Variants in PID1 observed in about 807,000 individuals in gnomAD.
The protein encoded by PID1 is phosphotyrosine interaction domain containing 1.
Under a neutral mutation model 19.1 loss-of-function variants are expected in PID1, and 10 were observed. The ratio of observed to expected loss-of-function variants is 0.52; its 90% CI spans 0.32 to 0.89. The LOEUF (loss-of-function observed/expected upper bound fraction) is 0.89. Ranked by LOEUF, PID1 falls within the 40% of genes least tolerant of loss-of-function variation. The pLI is 0.03. For missense variants in PID1, 248 were observed against 285.3 expected, an observed-to-expected ratio of 0.87 and a Z score of 0.94; for synonymous variants, 130 against 116.0, an observed-to-expected ratio of 1.12 and a Z score of -0.78.
chr2:229,218,769 GGAA>G (rs1359531563), intron 1 of PID1, among the ~76,000 whole-genome samples: 1 of 152,136 alleles, frequency 6.6e-6, no homozygotes, highest in Non-Finnish European at 1.5e-5. Context: ...TGCAGAGTGG[GGAA>G]GAAGGAGCTA....
chr2:229,251,944 T>TAAAAAAAAAAAA (rs11284650), intron 1 of PID1, among the ~76,000 whole-genome samples: 5 of 71,444 alleles, frequency 7.0e-5, no homozygotes, highest in Admixed American at 1.4e-4. Flanking sequence ...AACCATAAGC[T>TAAAAAAAAAAAA]AAAAAAAAAA....
chr2:229,101,835 T>C (rs1695080401), intron 2 of PID1, among the ~76,000 whole-genome samples: 1 of 152,192 alleles, frequency 6.6e-6, no homozygotes, highest in African/African-American at 2.4e-5. Context: ...AAGATGTCCA[T>C]ATCCTATTCT....
chr2:229,152,289 G>T (rs930771572), intron 2 of PID1, among the ~76,000 whole-genome samples: 4 of 152,154 alleles, frequency 2.6e-5, no homozygotes, highest in African/African-American at 9.7e-5. Flanking sequence ...CTGGGAAGAA[G>T]GTCCAGGAGT....
At chr2:229,131,276 G>A (rs1689735213) in intron 2 of PID1, among the ~76,000 whole-genome samples, 1 of 149,702 alleles carries the variant, frequency 6.7e-6, no homozygotes, top group African/African-American at 2.5e-5. Context: ...TGTCTCCCAG[G>A]CTGGAGTGCA....
In PID1 at chr2:229,253,377, G is replaced by A. The variant is rs565191777; in HGVS notation, c.30+17637C>T. Among the ~76,000 whole-genome samples the A allele has an allele frequency of 2.0e-5, 3 of 152,218 alleles. No individual in the cohort carries two copies. The South Asian group carries it at 6.2e-4, about 32-fold the overall frequency. ...TTTCAGTGCAGCAATTTGGCAGGAA[G>A]GTGAGAGTGACATCCAAGTTATAAA... is the stretch of plus-strand genomic sequence containing the variant. On this transcript the variant is annotated intron_variant, in intron 1 of 2. Coordinates refer to ENST00000392055, the MANE Select transcript of PID1 (RefSeq NM_001100818.2).
At chr2:229,132,076 G>A (rs191083330) in intron 2 of PID1, among the ~76,000 whole-genome samples, 6 of 152,302 alleles carry the variant, frequency 3.9e-5, no homozygotes, top group Non-Finnish European at 5.9e-5. Context: ...ATGATGGCAC[G>A]TGGTAGAACC....
chr2:229,213,022 T>C (rs1460671620), intron 1 of PID1, among the ~76,000 whole-genome samples: 1 of 152,048 alleles, frequency 6.6e-6, no homozygotes, highest in Non-Finnish European at 1.5e-5. Flanking sequence ...TTAAAAAATA[T>C]ACTCTGTGAT....
chr2:229,250,636 T>C (rs533110046), intron 1 of PID1, among the ~76,000 whole-genome samples: 10 of 152,304 alleles, frequency 6.6e-5, no homozygotes, highest in Admixed American at 1.3e-4. Flanking sequence ...TCCGATTTGG[T>C]TGGGGGCAAA....
intron 2 of PID1, among the ~76,000 whole-genome samples, chr2:229,068,058 G>A (rs1372919136): frequency 6.6e-6 from 1 of 152,210 alleles, no homozygotes; most frequent in Non-Finnish European, 1.5e-5. Context: ...GACAGTCTCT[G>A]TCTAGCTGCT....
intron 1 of PID1, among the ~76,000 whole-genome samples, chr2:229,199,299 T>G (rs1691441832): frequency 6.6e-6 from 1 of 152,066 alleles, no homozygotes; most frequent in Non-Finnish European, 1.5e-5. Flanking sequence ...CAACTGATGT[T>G]ATGTTGTTAT....
intron 2 of PID1, among the ~76,000 whole-genome samples, chr2:229,052,339 A>G (rs1215803441): frequency 1.3e-5 from 2 of 152,160 alleles, no homozygotes; most frequent in East Asian, 3.8e-4. Context: ...GCACCAAATA[A>G]ATTTCAGACT....
Position 229,057,267 on chromosome 2 carries a change from A to T in PID1, c.178-31159T>A, listed in dbSNP as rs1479125537. ...AGCCTGGCCAACATGGTGAAACCCCATCTCTACAAAAATACAAAAATTAGC... is the reference window on the plus strand; with the variant it reads ...AGCCTGGCCAACATGGTGAAACCCCTTCTCTACAAAAATACAAAAATTAGC... On this transcript the variant is annotated intron_variant, in intron 2 of 2. Transcript: ENST00000392055. 3.9e-5 allele frequency among the ~76,000 whole-genome samples: 6 copies of T among 152,060 alleles called. 1 individual carries two copies. The South Asian group carries it at 1.2e-3, about 32-fold the overall frequency.
At chr2:229,241,201 T>C (rs1469551246) in intron 1 of PID1, among the ~76,000 whole-genome samples, 2 of 152,140 alleles carry the variant, frequency 1.3e-5, no homozygotes, top group Non-Finnish European at 2.9e-5. Context: ...TCTATTTTTA[T>C]TGACTCCTTT....
At chr2:229,197,530 C>A (rs565747268) in intron 1 of PID1, among the ~76,000 whole-genome samples, 1 of 152,024 alleles carries the variant, frequency 6.6e-6, no homozygotes, top group South Asian at 2.1e-4. Flanking sequence ...TATTATGAAT[C>A]ACATATTTCT....
intron 1 of PID1, among the ~76,000 whole-genome samples, chr2:229,251,826 T>C (rs1412924552): frequency 6.6e-6 from 1 of 151,954 alleles, no homozygotes; most frequent in Non-Finnish European, 1.5e-5. Flanking sequence ...ATCAACAATA[T>C]GTCCATTTCT....
intron 2 of PID1, among the ~76,000 whole-genome samples, chr2:229,139,077 AAGAAAG>A (rs1559251637): frequency 1.7e-5 from 1 of 59,122 alleles, no homozygotes; most frequent in Non-Finnish European, 3.3e-5. Context: ...GAAAGAAAGA[AAGAAAG>A]AAAGAAAGAA....
At chr2:229,138,205 C>T (rs1435760368) in intron 2 of PID1, among the ~76,000 whole-genome samples, 2 of 152,092 alleles carry the variant, frequency 1.3e-5, no homozygotes, top group Non-Finnish European at 2.9e-5. Context: ...CTCCTGGACC[C>T]TCAGAAGGGG....
At chr2:229,089,202 G>A (rs1476179897) in intron 2 of PID1, among the ~76,000 whole-genome samples, 3 of 152,058 alleles carry the variant, frequency 2.0e-5, no homozygotes, top group South Asian at 2.1e-4. Flanking sequence ...TCAATAACTC[G>A]CACTTGCTGC....
chr2:229,103,723 C>G (rs1171583122), intron 2 of PID1, among the ~76,000 whole-genome samples: 2 of 151,934 alleles, frequency 1.3e-5, no homozygotes, highest in Admixed American at 6.6e-5. Context: ...ATTACAGGTG[C>G]CCGCCACCAT....
Sources: allele counts gnomAD v4.1 joint callset (sites outside exome capture counted in the v4.1 genomes callset), GRCh38; gene constraint gnomAD v4.1.1; transcripts MANE v1.5; gene names NCBI Gene and HGNC (gene_info 2026-07-23, HGNC 2026-07-21).